The following ADAT1 variants were observed in gnomAD, a reference collection of about 807,000 sequenced individuals.
ADAT1 encodes the protein adenosine deaminase tRNA specific 1.
In ADAT1, 58 loss-of-function variants were observed where a neutral mutation model predicts 58.6. That is an observed-to-expected ratio of 0.99 (90% CI 0.80 to 1.23). ADAT1 has a LOEUF of 1.23. Among genes scored for constraint, ADAT1 ranks in the 50% most tolerant of loss-of-function variants. ADAT1 has a pLI of 0.00. For synonymous variants in ADAT1, 254 were observed against 220.8 expected, an observed-to-expected ratio of 1.15 and a Z score of -1.33; for missense variants, 741 against 608.6, an observed-to-expected ratio of 1.22 and a Z score of -2.29.
intron 8 of ADAT1, among the ~76,000 whole-genome samples, chr16:75,604,876 ACACT>A (rs2081328970): frequency 6.6e-6 from 1 of 152,190 alleles, no homozygotes; most frequent in Non-Finnish European, 1.5e-5. Context: ...CTGGAAAGAA[ACACT>A]ACAGTTAACC....
Position 75,598,837 on chromosome 16 carries a change from A to G in ADAT1, c.*1379T>C. 2.1e-6 allele frequency: 2 copies of G among 957,364 alleles called. No homozygotes were observed. Among genetic ancestry groups the G allele is most frequent in the Non-Finnish European group, 2.5e-6 (2 of 804,572 alleles). The allele number at this position is 957,364 out of a possible 1,614,324, so 59.3% of individuals were successfully genotyped here. ...CCCGGCCTAAAAACTTTTAAAATGT[A>G]TACTTTAGTTGGGTGAATTTTATGG... On this transcript the variant is annotated 3_prime_UTR_variant, in exon 10 of 10. Coordinates refer to ENST00000564657, the MANE Select transcript of ADAT1 (RefSeq NM_001324445.2).
chr16:75,613,306 A>G (rs771898304), intron 5 of ADAT1, among the ~76,000 whole-genome samples: 3 of 152,078 alleles, frequency 2.0e-5, no homozygotes, highest in Admixed American at 6.6e-5. Context: ...CCACGGTACT[A>G]ATGACATTTT....
rs559289943 is a variant in ADAT1, at chr16:75,600,072, G to C, written c.*144C>G. 9.4e-6 allele frequency: 14 copies of C among 1,492,906 alleles called. No individual in the cohort carries two copies. The highest frequency in any genetic ancestry group is 2.0e-4 in the Middle Eastern group (1 of 5,128). 92.5% of individuals were successfully genotyped at this position (1,492,906 alleles called of 1,614,324 possible). A position where few individuals can be genotyped will look rare whatever the true frequency, so the allele number is the denominator to read the frequency against. ...CAAGTATAGCTTGCTCTAAGTTCCA[G>C]ATTCCATCTGTATTACACAACAGAG... is the stretch of plus-strand genomic sequence containing the variant. On this transcript the variant is annotated 3_prime_UTR_variant, in exon 10 of 10. Coordinates refer to ENST00000564657, the MANE Select transcript of ADAT1 (RefSeq NM_001324445.2).
At chr16:75,606,252 C>A (rs1010708851) in intron 8 of ADAT1, among the ~76,000 whole-genome samples, 4 of 152,018 alleles carry the variant, frequency 2.6e-5, no homozygotes, top group Non-Finnish European at 5.9e-5. Flanking sequence ...ACAGTAATAA[C>A]CAGAAAACGG....
intron 1 of ADAT1, among the ~76,000 whole-genome samples, 154 bp from the exon 2 acceptor site, chr16:75,620,974 T>C (rs1597147370): frequency 6.6e-6 from 1 of 152,314 alleles, no homozygotes; most frequent in East Asian, 1.9e-4. Flanking sequence ...ACTATCTCCC[T>C]GCCCCCTTTT....
intron 6 of ADAT1, 89 bp from the exon 7 acceptor site, chr16:75,609,077 CT>C: frequency 6.8e-7 from 1 of 1,466,692 alleles, no homozygotes; most frequent in Non-Finnish European, 9.3e-7. Context: ...ACCCCTGAGC[CT>C]TAGCAGGTGT....
At chr16:75,602,253 A>G (rs1357155044) in intron 9 of ADAT1, among the ~76,000 whole-genome samples, 2 of 152,260 alleles carry the variant, frequency 1.3e-5, no homozygotes, top group African/African-American at 4.8e-5. Context: ...AACTTTGGAC[A>G]CTGATGTCTG....
rs1268240461 is a variant in ADAT1 at position 75,600,023 on chromosome 16, A to C, written c.*193T>G. On this transcript the variant is annotated 3_prime_UTR_variant, in exon 10 of 10. Transcript: ENST00000564657. ...ATAGTGAGGTCATTAGTGAGATGCCATTTTAGCAGAGAGCTACTTCAATCA... is the reference window on the plus strand; with the variant it reads ...ATAGTGAGGTCATTAGTGAGATGCCCTTTTAGCAGAGAGCTACTTCAATCA... 3.6e-6 allele frequency: 5 copies of C among 1,393,900 alleles called. No individual in the cohort carries two copies. The highest frequency in any genetic ancestry group is 4.7e-6 in the Non-Finnish European group (5 of 1,071,500). The allele number at this position is 1,393,900 out of a possible 1,614,324, so 86.3% of individuals were successfully genotyped here.
At chr16:75,616,657 T>C (rs1383370266) in intron 5 of ADAT1, among the ~76,000 whole-genome samples, 2 of 152,106 alleles carry the variant, frequency 1.3e-5, no homozygotes, top group Non-Finnish European at 2.9e-5. Flanking sequence ...AAATTTACCC[T>C]AACTAACCAT....
intron 6 of ADAT1, among the ~76,000 whole-genome samples, chr16:75,609,772 C>T (rs551793795): frequency 5.1e-4 from 78 of 152,240 alleles, no homozygotes; most frequent in Middle Eastern, 6.8e-3. Flanking sequence ...CACATGATCT[C>T]GGCTCACTGC....
intron 6 of ADAT1, 92 bp downstream of exon 6, chr16:75,612,150 CA>C: frequency 7.3e-7 from 1 of 1,369,112 alleles, no homozygotes; most frequent in Non-Finnish European, 1.0e-6. Flanking sequence ...ACTGCTGGAT[CA>C]AAAGGTATGG....
rs749402492 is a variant in ADAT1, at chr16:75,620,716, G to A, written c.84C>T (p.Asn28=). ...CCGCTGCCAATAATGTCCACTCATG[G>A]TTTGGCTCAGGCTTCCCCTTCTTGG... The part of the protein sequence containing the change: ...RLPKKGKPEP[N]HEWTLLAAVV... The change falls in exon 2 of 10, where the codon AAC becomes AAT. Residue 28 remains asparagine, a synonymous_variant. Transcript: ENST00000564657. 3 of 1,614,172 alleles carry A rather than the reference G, an allele frequency of 1.9e-6. No homozygotes were observed. The highest frequency in any genetic ancestry group is 1.3e-5 in the African/African-American group (1 of 75,036).
Position 75,612,783 on chromosome 16 carries a change from T to A in ADAT1, c.503A>T (p.Asn168Ile). ...GTTACTACTGGCTTCTACTGATGAG[T>A]TGTGGGCCCAATTTCTGAAGACAGG... ...CCPVFRNWAH[N>I]SSVEASSNLE... The change falls in exon 6 of 10, where the codon AAC becomes ATC. Residue 168 changes from asparagine to isoleucine, a missense_variant. Coordinates refer to ENST00000564657, the MANE Select transcript of ADAT1 (RefSeq NM_001324445.2). 1 of 1,614,068 alleles carries A rather than the reference T, an allele frequency of 6.2e-7. No individual in the cohort carries two copies. Among genetic ancestry groups the A allele is most frequent in the South Asian group, 1.1e-5 (1 of 91,072 alleles).
rs971396724 is a variant in ADAT1, at chr16:75,612,521, G to A, written c.765C>T (p.Asp255=). The change falls in exon 6 of 10, where the codon GAC becomes GAT. Residue 255 remains aspartate (D), a synonymous_variant. Transcript: ENST00000564657. ...CACACTTGGCTCCAGTTCTATAAAC[G>A]TCTATCACTTTGGCACTACCAGGGG... ...RIAPGSAKVI[D]VYRTGAKCVP... 1.1e-5 allele frequency: 17 copies of A among 1,613,996 alleles called. No homozygotes were observed. The highest frequency in any genetic ancestry group is 8.0e-5 in the African/African-American group (6 of 74,896).
rs775383129 is a variant in ADAT1, at chr16:75,620,296, ATT to A, written c.206_207del (p.Lys69MetfsTer16). On this transcript the variant is annotated frameshift_variant, in exon 3 of 10. Transcript: ENST00000564657. LOFTEE classifies it high-confidence loss of function. ...TTCCTCATTTTGGACTGTCCTATGC[ATT>A]TTGTTCCTGTTCCCATTGACACAAC... Reference protein sequence around the residue: ...KEVVSMGTGTKCIGQSKMRKN... With the variant: ...KEVVSMGTGTXCIGQSKMRKN... 2 of 1,614,172 alleles carry A rather than the reference ATT, an allele frequency of 1.2e-6. No homozygotes were observed. The highest frequency in any genetic ancestry group is 1.7e-6 in the Non-Finnish European group (2 of 1,180,016).
At chr16:75,601,298 C>T (rs1414169099) in intron 9 of ADAT1, among the ~76,000 whole-genome samples, 1 of 151,788 alleles carries the variant, frequency 6.6e-6, no homozygotes, top group East Asian at 1.9e-4. Flanking sequence ...TACGATTGTG[C>T]CACTGTACTA....
chr16:75,621,734 T>A (rs888512795), intron 1 of ADAT1, among the ~76,000 whole-genome samples: 1 of 152,056 alleles, frequency 6.6e-6, no homozygotes, highest in Non-Finnish European at 1.5e-5. Flanking sequence ...AAGCCATGAA[T>A]TAAAAAACCA....
rs1442549383 is a variant in ADAT1, at chr16:75,623,120, A to C, written c.-739T>G. The C allele has an allele frequency of 6.6e-6, 1 of 152,176 alleles. No individual in the cohort carries two copies. The highest frequency in any genetic ancestry group is 1.5e-5 in the Non-Finnish European group (1 of 68,084). 9.4% of individuals were successfully genotyped at this position (152,176 alleles called of 1,614,324 possible). A position where few individuals can be genotyped will look rare whatever the true frequency, so the allele number is the denominator to read the frequency against. ...CAGGCGTGGAGCGCCTTCCCACGTG[A>C]AACGCGTCCCGGAAGATACGATCCT... On this transcript the variant is annotated 5_prime_UTR_variant, in exon 1 of 10. Coordinates refer to ENST00000564657, the MANE Select transcript of ADAT1 (RefSeq NM_001324445.2).
chr16:75,618,544 A>G, intron 4 of ADAT1, 42 bp downstream of exon 4: 1 of 1,341,414 alleles, frequency 7.5e-7, no homozygotes, highest in Non-Finnish European at 1.0e-6. Flanking sequence ...CGGGACTCCC[A>G]CCCCAGTCCT....
Sources: allele counts gnomAD v4.1 joint callset (sites outside exome capture counted in the v4.1 genomes callset), GRCh38; gene constraint gnomAD v4.1.1; transcripts MANE v1.5; gene names NCBI Gene and HGNC (gene_info 2026-07-23, HGNC 2026-07-21).